Variants in CCDC144A observed in about 807,000 individuals in gnomAD.
CCDC144A encodes coiled-coil domain-containing protein 144A.
CCDC144A carries 41 observed loss-of-function variants against 143.8 expected under a neutral mutation model. That is an observed-to-expected ratio of 0.29 (90% CI 0.22 to 0.37). CCDC144A has a LOEUF of 0.37. Ranked by LOEUF, CCDC144A falls within the 10% of genes least tolerant of loss-of-function variation. The pLI is 1.00. For synonymous variants in CCDC144A, 242 were observed against 517.9 expected (o/e 0.47, Z 7.23); for missense variants, 637 against 1,488.8 (o/e 0.43, Z 9.41).
At chr17:16,670,010 G>A in the CCDC144A span, among the ~76,000 whole-genome samples, 2 of 151,986 alleles carry the variant, frequency 1.3e-5, no homozygotes, top group East Asian at 2.0e-4. Flanking sequence ...GTGAAATTCC[G>A]TTTCTACTAA....
At chr17:16,724,787 ATTTTTTTTTTTTTTTTTTTTTTT>A (rs760344292) in intron 8 of CCDC144A, among the ~76,000 whole-genome samples, 3 of 35,070 alleles carry the variant, frequency 8.6e-5, no homozygotes, top group African/African-American at 2.2e-4. Context: ...GATTAACTGA[ATTTTTTTTTTTTTTTTTTTTTTT>A]TTTTTTTTTT....
At chr17:16,759,769 G>A (rs745438291) in intron 12 of CCDC144A, among the ~76,000 whole-genome samples, 129 of 152,282 alleles carry the variant, frequency 8.5e-4, no homozygotes, top group Non-Finnish European at 1.5e-3. Context: ...TTTTTGTTGT[G>A]TTGTTGTTGT....
intron 12 of CCDC144A, among the ~76,000 whole-genome samples, chr17:16,750,799 T>C (rs112856297): frequency 6.6e-6 from 1 of 152,120 alleles, no homozygotes; most frequent in Non-Finnish European, 1.5e-5. Flanking sequence ...GTCTTTGAGC[T>C]CTGTAATCCT....
intron 12 of CCDC144A, chr17:16,746,762 T>C: frequency 6.2e-7 from 1 of 1,605,302 alleles, no homozygotes; most frequent in South Asian, 1.1e-5. Flanking sequence ...GATGACCACC[T>C]GCGGGGAGCG....
chr17:16,696,680 G>C (rs1207858527), intron 2 of CCDC144A, among the ~76,000 whole-genome samples: 2 of 150,896 alleles, frequency 1.3e-5, no homozygotes, highest in Non-Finnish European at 3.0e-5. Flanking sequence ...GAAATGAGTA[G>C]AACTTTTCCT....
intron 15 of CCDC144A, among the ~76,000 whole-genome samples, chr17:16,769,617 A>C (rs1028605493): frequency 6.6e-6 from 1 of 152,150 alleles, no homozygotes; most frequent in African/African-American, 2.4e-5. Flanking sequence ...GGTTCAACTA[A>C]AGATTTTCTC....
At chr17:16,700,185 G>T (rs1044346484) in intron 2 of CCDC144A, among the ~76,000 whole-genome samples, 2 of 152,160 alleles carry the variant, frequency 1.3e-5, no homozygotes, top group Admixed American at 6.5e-5. Flanking sequence ...AGGTGCATGT[G>T]TCAAAGTCTG....
the CCDC144A span, among the ~76,000 whole-genome samples, chr17:16,675,844 G>C: frequency 6.6e-6 from 1 of 151,850 alleles, no homozygotes; most frequent in African/African-American, 2.4e-5. Context: ...CCGGGTTCAC[G>C]CCATTCTCCT....
Position 16,777,861 on chromosome 17 carries a change from T to C in CCDC144A, c.*4228T>C, listed in dbSNP as rs1852985812. ...CAGCAGAAGAAAAGAAATAACAAAA[T>C]CAGAACAAAACTAAATGAAATTGAA... On this transcript the variant is annotated 3_prime_UTR_variant, in exon 17 of 17. Transcript: ENST00000399273. 1 of 142,458 alleles carries C rather than the reference T, an allele frequency of 7.0e-6. No individual in the cohort carries two copies. The highest frequency in any genetic ancestry group is 1.5e-5 in the Non-Finnish European group (1 of 67,450). 8.8% of individuals were successfully genotyped at this position (142,458 alleles called of 1,614,324 possible).
chr17:16,722,485 A>G (rs1179495866), intron 8 of CCDC144A, among the ~76,000 whole-genome samples: 2 of 151,864 alleles, frequency 1.3e-5, no homozygotes, highest in Non-Finnish European at 2.9e-5. Context: ...AGAGTGCTAC[A>G]CTTGACCTCA....
chr17:16,669,839 T>C, the CCDC144A span, among the ~76,000 whole-genome samples: 1 of 152,194 alleles, frequency 6.6e-6, no homozygotes, highest in Non-Finnish European at 1.5e-5. Flanking sequence ...TTTTGAGTTA[T>C]CACTCATTTT....
chr17:16,748,919 G>T (rs1025331424), intron 12 of CCDC144A, among the ~76,000 whole-genome samples: 2 of 152,056 alleles, frequency 1.3e-5, no homozygotes, highest in African/African-American at 4.8e-5. Context: ...CTGTGGGATT[G>T]GTTGTAATGT....
chr17:16,748,011 A>G (rs1427748980), intron 12 of CCDC144A, among the ~76,000 whole-genome samples: 2 of 152,116 alleles, frequency 1.3e-5, no homozygotes, highest in East Asian at 3.8e-4. Context: ...GGCAAGGGGA[A>G]TGCTTCCAAC....
At chr17:16,726,563 C>A (rs1913437642) in intron 8 of CCDC144A, among the ~76,000 whole-genome samples, 2 of 152,024 alleles carry the variant, frequency 1.3e-5, no homozygotes, top group South Asian at 4.2e-4. Flanking sequence ...TGACTCTATT[C>A]ATTGCCATGC....
At chr17:16,708,333 C>A (rs931313675) in intron 4 of CCDC144A, among the ~76,000 whole-genome samples, 2 of 152,108 alleles carry the variant, frequency 1.3e-5, no homozygotes, top group Non-Finnish European at 2.9e-5. Flanking sequence ...ATTGCCTACC[C>A]TCCAGTTAGT....
the CCDC144A span, among the ~76,000 whole-genome samples, chr17:16,669,278 C>G: frequency 7.2e-5 from 11 of 152,188 alleles, no homozygotes; most frequent in Non-Finnish European, 1.5e-4. Context: ...AGAATGTTTT[C>G]CATCTTCAAC....
chr17:16,678,534 CAG>C, the CCDC144A span, among the ~76,000 whole-genome samples: 19 of 151,718 alleles, frequency 1.3e-4, no homozygotes, highest in African/African-American at 4.6e-4. Flanking sequence ...AAGGGGGAAA[CAG>C]AACTGAATTT....
intron 2 of CCDC144A, among the ~76,000 whole-genome samples, chr17:16,699,410 C>T (rs1911592850): frequency 6.8e-6 from 1 of 147,384 alleles, no homozygotes; most frequent in African/African-American, 2.6e-5. Flanking sequence ...GAGTCTCGCT[C>T]TTCCACCCAG....
chr17:16,753,443 T>TG (rs1914912037), intron 12 of CCDC144A, among the ~76,000 whole-genome samples: 7 of 132,686 alleles, frequency 5.3e-5, no homozygotes, highest in Admixed American at 2.8e-4. Flanking sequence ...TTTTTTTTTT[T>TG]TTTTTTTTTT....
Sources: gnomAD v4.1 joint callset for allele counts (sites outside exome capture counted in the v4.1 genomes callset) on GRCh38, gnomAD v4.1.1 for gene constraint, MANE v1.5 for transcripts, NCBI Gene and HGNC (gene_info 2026-07-23, HGNC 2026-07-21) for gene names.